ADH1B: variants seen among roughly 807,000 people sequenced by gnomAD.
ADH1B encodes the protein all-trans-retinol dehydrogenase [NAD(+)] ADH1B.
A neutral mutation model predicts 34.6 loss-of-function variants in ADH1B; 29 were observed. The ratio of observed to expected loss-of-function variants is 0.84; its 90% confidence interval spans 0.62 to 1.14. ADH1B has a LOEUF of 1.14. Among genes scored for constraint, ADH1B ranks in the 50% most tolerant of loss-of-function variants. The probability of loss-of-function intolerance (pLI) is 0.00; values close to 1 mark genes in which losing one functional copy is unlikely to be tolerated. For missense variants in ADH1B, 424 were observed against 468.4 expected (o/e 0.91, Z 0.87); for synonymous variants, 170 against 175.5 (o/e 0.97, Z 0.25).
intron 3 of ADH1B, chr4:99,316,907 T>G (rs2110636867): frequency 6.6e-6 from 1 of 152,170 alleles, no homozygotes; most frequent in African/African-American, 2.4e-5. Context: ...CTCTGAAAAC[T>G]TCAGCTCTTC....
At position 99,305,089 on chromosome 4, in the gene ADH1B, TC is replaced by T. The variant is rs1232835958; in HGVS notation, c.*2750del. ...GAATTTCCATCATTGTTCATTTTCC[TC>T]TTTGGTTGTCTATTTTTAAATGAAA... On this transcript the variant is annotated 3_prime_UTR_variant, in exon 9 of 9. Transcript: ENST00000305046. The T allele has an allele frequency of 6.6e-6, 1 of 152,102 alleles. No individual in the cohort carries two copies. The highest frequency in any genetic ancestry group is 1.5e-5 in the Non-Finnish European group (1 of 68,004). The allele number at this position is 152,102 out of a possible 1,614,324, so 9.4% of individuals were successfully genotyped here. A position where few individuals can be genotyped will look rare whatever the true frequency, so the allele number is the denominator to read the frequency against.
In ADH1B at chr4:99,314,161, G is replaced by A. The variant is rs2110634267; in HGVS notation, c.568-80C>T. ...TAAGCTTCATAAAGTGCCATGCGTA[G>A]GTGTTTATCAAGAACTACTCAGACT... On this transcript the variant is annotated intron_variant, in intron 5 of 8. Coordinates refer to ENST00000305046, the MANE Select transcript of ADH1B (RefSeq NM_000668.6). The A allele has an allele frequency of 2.6e-6, 4 of 1,560,156 alleles. No homozygotes were observed. The African/African-American group carries it at 4.1e-5, about 16-fold the overall frequency.
chr4:99,313,660 T>A (rs934071101), intron 6 of ADH1B, 161 bp downstream of exon 6: 7 of 1,350,630 alleles, frequency 5.2e-6, no homozygotes, highest in Non-Finnish European at 7.1e-6. Context: ...AAGAGAAGAT[T>A]TCTCATAACA....
Position 99,314,031 on chromosome 4 carries a change from T to G in ADH1B, c.618A>C (p.Leu206=), listed in dbSNP as rs777147821. ...CTGCTTTACAGCCCATAACAGCAGA[T>G]AGGCCGACCCCTCCCAGGCCAAACA... is the stretch of plus-strand genomic sequence containing the variant. ...CAVFGLGGVG[L]SAVMGCKAAG... is the part of the protein sequence containing the mutation. The change falls in exon 6 of 9, where the codon CTA becomes CTC. Residue 206 remains leucine (L), a synonymous_variant. Transcript: ENST00000305046. 1.4e-5 allele frequency: 23 copies of G among 1,614,224 alleles called. 1 individual carries two copies. The Admixed American group carries it at 3.8e-4, about 27-fold the overall frequency.
chr4:99,319,059 G>A, intron 1 of ADH1B, 173 bp from the exon 2 acceptor site: 3 of 801,242 alleles, frequency 3.7e-6, no homozygotes, highest in Non-Finnish European at 6.7e-6. Flanking sequence ...CTTTTAAAAA[G>A]CAATAACATA....
rs1158947500 is a variant in ADH1B, at chr4:99,310,809, A to G, written c.1059T>C (p.Phe353=). Residue 353 remains phenylalanine (F), a synonymous_variant, in exon 8 of 9, where the codon TTT becomes TTC. Coordinates refer to ENST00000305046, the MANE Select transcript of ADH1B (RefSeq NM_000668.6). ...LDALITHVLP[F]EKINEGFDLL... ...GGTCAAATCCTTCATTTATTTTTTC[A>G]AAAGGTAAAACATGGGTTATTAACG... 1.2e-6 allele frequency: 2 copies of G among 1,611,820 alleles called. No homozygotes were observed. Among genetic ancestry groups the G allele is most frequent in the East Asian group, 2.2e-5 (1 of 44,804 alleles).
rs1734010936 is a variant in ADH1B at position 99,320,976 on chromosome 4, A to G, written c.18+338T>C. On this transcript the variant is annotated intron_variant, in intron 1 of 8. Transcript: ENST00000305046. Reference sequence around the variant, plus strand: ...CATTTGAATTATGGTTTCTTATTATAAAGATAACTTGCCATTAAAGACTTT... The same window carrying G: ...CATTTGAATTATGGTTTCTTATTATGAAGATAACTTGCCATTAAAGACTTT... 3 of 1,138,474 alleles carry G rather than the reference A, an allele frequency of 2.6e-6. No individual in the cohort carries two copies. The African/African-American group carries it at 4.9e-5, about 19-fold the overall frequency. 70.5% of individuals were successfully genotyped at this position (1,138,474 alleles called of 1,614,324 possible). A position where few individuals can be genotyped will look rare whatever the true frequency, so the allele number is the denominator to read the frequency against.
chr4:99,314,227 T>A, intron 5 of ADH1B, 146 bp from the exon 6 acceptor site: 3 of 1,326,830 alleles, frequency 2.3e-6, no homozygotes, highest in Non-Finnish European at 3.1e-6. Context: ...TTGGCTTCAG[T>A]TGCTTTATTT....
rs149912181 is a variant in ADH1B, at chr4:99,316,063, C to T, written c.402G>A (p.Arg134=). The change falls in exon 5 of 9, where the codon AGG becomes AGA. Residue 134 remains arginine, a synonymous_variant. Coordinates refer to ENST00000305046, the MANE Select transcript of ADH1B (RefSeq NM_000668.6). ...LQDGTRRFTC[R]GKPIHHFLGT... is the part of the protein sequence containing the mutation. ...CAAGGAAGTGGTGAATGGGCTTCCCCCTGCAGGTGAACCTCCTGGTGCCAT... is the reference window on the plus strand; with the variant it reads ...CAAGGAAGTGGTGAATGGGCTTCCCTCTGCAGGTGAACCTCCTGGTGCCAT... The T allele has an allele frequency of 6.6e-5, 106 of 1,614,060 alleles. No individual in the cohort carries two copies. Among genetic ancestry groups the T allele is most frequent in the Non-Finnish European group, 8.1e-5 (95 of 1,180,036 alleles).
rs1733619336 is a variant in ADH1B at position 99,306,733 on chromosome 4, A to G, written c.*1107T>C. ...ACAAAGCATTAACACAGGTCTTTAC[A>G]TATTCAAAATATTAAACTAATGCTA... On this transcript the variant is annotated 3_prime_UTR_variant, in exon 9 of 9. Coordinates refer to ENST00000305046, the MANE Select transcript of ADH1B (RefSeq NM_000668.6). The G allele has an allele frequency of 6.6e-6, 1 of 152,248 alleles. No homozygotes were observed. Among genetic ancestry groups the G allele is most frequent in the Non-Finnish European group, 1.5e-5 (1 of 68,042 alleles). 9.4% of individuals were successfully genotyped at this position (152,248 alleles called of 1,614,324 possible). A position where few individuals can be genotyped will look rare whatever the true frequency, so the allele number is the denominator to read the frequency against.
chr4:99,313,620 T>G, intron 6 of ADH1B: 1 of 915,294 alleles, frequency 1.1e-6, no homozygotes, highest in Non-Finnish European at 1.6e-6. Context: ...AGAGGAAATA[T>G]GACTTGAGAC....
chr4:99,308,133 C>G (rs1265228670), intron 8 of ADH1B, among the ~76,000 whole-genome samples: 1 of 152,056 alleles, frequency 6.6e-6, no homozygotes, highest in Non-Finnish European at 1.5e-5. Flanking sequence ...ACATTAGCAT[C>G]TTCAAAAAAT....
chr4:99,313,895 G>A lies in ADH1B; in HGVS notation c.754C>T (p.Gln252Ter). 6.2e-7 allele frequency: 1 copy of A among 1,614,076 alleles called. No homozygotes were observed. The highest frequency in any genetic ancestry group is 1.1e-5 in the South Asian group (1 of 91,074). ...INPQDYKKPI[Q>*]EVLKEMTDGG... is the part of the protein sequence containing the mutation. ...TCAGTCATTTCCTTTAGCACTTCCT[G>A]AATGGGTTTCTTGTAGTCTTGAGGG... The change falls in exon 6 of 9, where the codon CAG becomes TAG. Residue 252 changes from glutamine (Q) to a stop codon, truncating the protein, a stop_gained. Transcript: ENST00000305046. LOFTEE classifies it high-confidence loss of function.
Position 99,310,913 on chromosome 4 carries a change from A to C in ADH1B, c.965-10T>G. The C allele has an allele frequency of 6.2e-7, 1 of 1,611,136 alleles. No homozygotes were observed. Among genetic ancestry groups the C allele is most frequent in the African/African-American group, 1.3e-5 (1 of 74,856 alleles). On this transcript the variant is annotated splice_polypyrimidine_tract_variant and intron_variant, in intron 7 of 8. Coordinates refer to ENST00000305046, the MANE Select transcript of ADH1B (RefSeq NM_000668.6). ...TCTTTACTCTTAAAGCCTGAAAAGA[A>C]GACAGTATCATTGTTGGATTCAGCT...
At chr4:99,319,616 T>C (rs1016849551) in intron 1 of ADH1B, 3 of 152,218 alleles carry the variant, frequency 2.0e-5, no homozygotes, top group Non-Finnish European at 4.4e-5. Context: ...CGCATGTATA[T>C]TTTAAAACTG....
intron 3 of ADH1B, chr4:99,317,218 A>G (rs1733908088): frequency 6.6e-6 from 1 of 152,198 alleles, no homozygotes; most frequent in Admixed American, 6.5e-5. Context: ...CTAATCACCT[A>G]TGCTATACAT....
At chr4:99,319,011 A>T (rs766317953) in intron 1 of ADH1B, 125 bp from the exon 2 acceptor site, 14 of 1,000,104 alleles carry the variant, frequency 1.4e-5, no homozygotes, top group Non-Finnish European at 2.3e-5. Flanking sequence ...TGCTCCATGG[A>T]AATGAAGTAC....
intron 5 of ADH1B, 135 bp downstream of exon 5, chr4:99,315,763 T>G: frequency 9.2e-7 from 1 of 1,089,674 alleles, no homozygotes; most frequent in Non-Finnish European, 1.3e-6. Context: ...CTCAATTCTT[T>G]CTGGGCCATT....
In ADH1B at chr4:99,321,400, A is replaced by C. The variant is rs79342308; in HGVS notation, c.-69T>G. On this transcript the variant is annotated 5_prime_UTR_variant, in exon 1 of 9. The change abolishes an upstream ATG in the 5' untranslated region. Coordinates refer to ENST00000305046, the MANE Select transcript of ADH1B (RefSeq NM_000668.6). ...GTGGATTTCTTCTCTGCTTGAGTGC[A>C]TAAAGCAGATATATTGCACAGATAT... is the stretch of plus-strand genomic sequence containing the variant. The C allele has an allele frequency of 7.0e-7, 1 of 1,419,986 alleles. No individual in the cohort carries two copies. The highest frequency in any genetic ancestry group is 1.2e-5 in the South Asian group (1 of 86,380). The allele number at this position is 1,419,986 out of a possible 1,614,324, so 88.0% of individuals were successfully genotyped here.
Sources: allele counts gnomAD v4.1 joint callset (sites outside exome capture counted in the v4.1 genomes callset), GRCh38; gene constraint gnomAD v4.1.1; transcripts MANE v1.5; gene names NCBI Gene and HGNC (gene_info 2026-07-23, HGNC 2026-07-21).